Variants in MYLK observed in about 807,000 individuals in gnomAD.
The protein encoded by MYLK is myosin light chain kinase, smooth muscle.
MYLK carries 106 observed loss-of-function variants against 203.4 expected under a neutral mutation model. The ratio of observed to expected loss-of-function variants is 0.52; its 90% CI spans 0.45 to 0.61. The LOEUF (loss-of-function observed/expected upper bound fraction) is 0.61. MYLK is among the 20% of genes least tolerant of loss of function. The pLI, the probability that MYLK is intolerant of heterozygous loss-of-function variation, is 0.00. For missense variants in MYLK, 2,072 were observed against 2,442.3 expected (o/e 0.85, Z 3.20); for synonymous variants, 867 against 959.5 (o/e 0.90, Z 1.78).
intron 29 of MYLK, among the ~76,000 whole-genome samples, chr3:123,631,598 G>A (rs1369750833): frequency 1.3e-5 from 2 of 152,164 alleles, no homozygotes; most frequent in African/African-American, 4.8e-5. Flanking sequence ...AGCTTGCCAT[G>A]GGAGGAACCC....
chr3:123,826,016 C>G (rs569277013), intron 3 of MYLK, among the ~76,000 whole-genome samples: 1 of 152,242 alleles, frequency 6.6e-6, no homozygotes, highest in Non-Finnish European at 1.5e-5. Flanking sequence ...TAGCATCCCC[C>G]CTTTGCAGGC....
chr3:123,689,148 G>T (rs2060568977), intron 19 of MYLK, among the ~76,000 whole-genome samples: 1 of 152,162 alleles, frequency 6.6e-6, no homozygotes, highest in Non-Finnish European at 1.5e-5. Flanking sequence ...ACAAAGCCCT[G>T]GTCTCACTGG....
intron 4 of MYLK, among the ~76,000 whole-genome samples, chr3:123,753,450 C>CT (rs1407271651): frequency 2.7e-5 from 4 of 147,934 alleles, no homozygotes; most frequent in Non-Finnish European, 4.4e-5. Flanking sequence ...CAGCACTTCT[C>CT]TAAGTACTTG....
chr3:123,682,097 C>G, intron 20 of MYLK, 127 bp downstream of exon 20: 3 of 759,598 alleles, frequency 3.9e-6, no homozygotes, highest in Non-Finnish European at 6.9e-6. Flanking sequence ...TGTGGGCAGA[C>G]ATCAGACTTC....
intron 2 of MYLK, among the ~76,000 whole-genome samples, chr3:123,854,342 T>G (rs1171896573): frequency 3.9e-5 from 6 of 152,116 alleles, no homozygotes; most frequent in Admixed American, 1.3e-4. Context: ...ATTATTATCT[T>G]CCTGACTCTG....
In MYLK at chr3:123,629,488, C is replaced by A. The variant is rs375470297; in HGVS notation, c.5100G>T (p.Leu1700=). 2 of 1,614,216 alleles carry A rather than the reference C, an allele frequency of 1.2e-6. No homozygotes were observed. Among genetic ancestry groups the A allele is most frequent in the South Asian group, 1.1e-5 (1 of 91,082 alleles). The part of the protein sequence containing the change: ...DDAKDFISNL[L]KKDMKNRLDC... ...CAACTCATTACTTCATATCTTTCTT[C>A]AGCAGATTGCTGATGAAATCCTTGG... The change falls in exon 30 of 34, where the codon CTG becomes CTT. Residue 1700 remains leucine, a synonymous_variant. Coordinates refer to ENST00000360304, the MANE Select transcript of MYLK (RefSeq NM_053025.4). The surrounding 1 kb of genome is among the most constrained non-coding windows in gnomAD (Gnocchi z 4.4).
At chr3:123,842,224 G>A (rs1005614428) in intron 2 of MYLK, among the ~76,000 whole-genome samples, 2 of 152,016 alleles carry the variant, frequency 1.3e-5, no homozygotes, top group Non-Finnish European at 1.5e-5. Flanking sequence ...AACCATAAAA[G>A]AGTTGGAATA....
intron 3 of MYLK, among the ~76,000 whole-genome samples, chr3:123,798,504 C>A (rs886458466): frequency 2.0e-5 from 3 of 152,076 alleles, no homozygotes; most frequent in African/African-American, 7.2e-5. Flanking sequence ...AGGAGTGGCT[C>A]AGGACCCTCT....
chr3:123,661,203 T>A lies in MYLK; in HGVS notation c.3985+2902A>T, dbSNP rs1021398979. On this transcript the variant is annotated intron_variant, in intron 23 of 33. Coordinates refer to ENST00000360304, the MANE Select transcript of MYLK (RefSeq NM_053025.4). ...GTGGTGATCGGAGGAGGGGAGTGCG[T>A]GGCACTGCGCAGGAGCTGGGCATCG... Among the ~76,000 whole-genome samples the A allele has an allele frequency of 4.6e-5, 7 of 151,798 alleles. 1 individual carries two copies. Among genetic ancestry groups the A allele is most frequent in the Admixed American group, 4.6e-4 (7 of 15,250 alleles).
chr3:123,869,096 G>A (rs1218863080), intron 2 of MYLK, among the ~76,000 whole-genome samples: 2 of 152,132 alleles, frequency 1.3e-5, no homozygotes, highest in Admixed American at 6.5e-5. Context: ...TCAGTCTGGG[G>A]TGAGCAGGGC....
chr3:123,738,750 G>A, intron 7 of MYLK, 147 bp downstream of exon 7: 2 of 1,104,568 alleles, frequency 1.8e-6, no homozygotes, highest in Non-Finnish European at 2.6e-6. Context: ...CTTCTGTCAT[G>A]ATTGTGAGGC....
At chr3:123,692,714 C>T (rs781426607) in intron 19 of MYLK, 21 bp downstream of exon 19, 38 of 1,576,348 alleles carry the variant, frequency 2.4e-5, no homozygotes, top group Non-Finnish European at 3.1e-5. Context: ...TGGGTGGCGG[C>T]GATGGGTGGG....
intron 3 of MYLK, among the ~76,000 whole-genome samples, chr3:123,806,498 T>C (rs763732985): frequency 7.9e-5 from 12 of 152,158 alleles, no homozygotes; most frequent in Non-Finnish European, 1.5e-4. Context: ...ATTACATTGA[T>C]TGAGACTAGC....
Position 123,700,406 on chromosome 3 carries a change from C to T in MYLK, c.3062G>A (p.Gly1021Glu), listed in dbSNP as rs200041144. Residue 1021 changes from glycine (G) to glutamate (E), a missense_variant, in exon 18 of 34, where the codon GGG becomes GAG. Around this residue, in one of 3 missense-constraint regions of MYLK, gnomAD observed 865 missense variants for 1,016.0 expected, o/e 0.85. Transcript: ENST00000360304. ...GGCGTTGCCCACGGGTTTCAAGGGC[C>T]CTGAAGGCTGTGCATTGCTCAGGGG... is the stretch of plus-strand genomic sequence containing the variant. Reference protein sequence around the residue: ...SKPLSNAQPSGPLKPVGNAKP... With the variant: ...SKPLSNAQPSEPLKPVGNAKP... 1.2e-6 allele frequency: 2 copies of T among 1,613,236 alleles called. No individual in the cohort carries two copies. The highest frequency in any genetic ancestry group is 2.2e-5 in the East Asian group (1 of 44,764).
intron 4 of MYLK, among the ~76,000 whole-genome samples, chr3:123,763,661 G>A (rs193175225): frequency 3.1e-4 from 47 of 152,254 alleles, no homozygotes; most frequent in East Asian, 1.5e-3. Flanking sequence ...AATGCCACAC[G>A]GACTCCCTGA....
chr3:123,752,548 AAAG>A lies in MYLK; in HGVS notation c.166-13_166-11del. ...CTGGGTAACCCCGGACCTTCAAGAAAAAGAAGAAAGGGTAAGAGCCTGTATTTC... is the reference window on the plus strand; with the variant it reads ...CTGGGTAACCCCGGACCTTCAAGAAAAAGAAAGGGTAAGAGCCTGTATTTC... On this transcript the variant is annotated splice_polypyrimidine_tract_variant and intron_variant, in intron 4 of 33. Transcript: ENST00000360304. The A allele has an allele frequency of 6.2e-7, 1 of 1,609,210 alleles. No homozygotes were observed. Among genetic ancestry groups the A allele is most frequent in the Non-Finnish European group, 8.5e-7 (1 of 1,178,156 alleles).
chr3:123,837,271 A>T (rs1442705849), intron 2 of MYLK, among the ~76,000 whole-genome samples: 1 of 151,958 alleles, frequency 6.6e-6, no homozygotes, highest in Non-Finnish European at 1.5e-5. Flanking sequence ...ACCTCAGGTG[A>T]TCCACCCCCT....
intron 11 of MYLK, among the ~76,000 whole-genome samples, chr3:123,729,879 T>C (rs1205847154): frequency 1.3e-5 from 2 of 149,440 alleles, no homozygotes; most frequent in African/African-American, 5.0e-5. Context: ...GAGACCCTGT[T>C]TCAAAAAAAA....
intron 5 of MYLK, among the ~76,000 whole-genome samples, chr3:123,750,971 T>C (rs1208095741): frequency 6.6e-6 from 1 of 152,174 alleles, no homozygotes; most frequent in African/African-American, 2.4e-5. Context: ...CCTTCTGTGG[T>C]GTGGGGAGAC....
Sources: gnomAD v4.1 joint callset for allele counts (sites outside exome capture counted in the v4.1 genomes callset) on GRCh38, gnomAD v4.1.1 for gene constraint, gnomAD v4.1.1 regional missense constraint, Gnocchi (gnomAD v3.1) non-coding constraint, MANE v1.5 for transcripts, NCBI Gene and HGNC (gene_info 2026-07-23, HGNC 2026-07-21) for gene names.